The following LAMA5 variants were observed in gnomAD, a reference collection of about 807,000 sequenced individuals.
LAMA5 encodes laminin subunit alpha 5.
LAMA5 carries 260 observed loss-of-function variants against 433.4 expected under a neutral mutation model. That is an observed-to-expected ratio of 0.60 (90% CI 0.54 to 0.66). The LOEUF (loss-of-function observed/expected upper bound fraction) is 0.66. LAMA5 is among the 30% of genes least tolerant of loss of function. The pLI is 0.00. For missense variants in LAMA5, 5,378 were observed against 5,258.5 expected, an observed-to-expected ratio of 1.02 and a Z score of -0.70; for synonymous variants, 2,620 against 2,226.6, an observed-to-expected ratio of 1.18 and a Z score of -4.97.
In LAMA5 at chr20:62,320,729, C is replaced by A. The variant is rs559006364; in HGVS notation, c.6648+10G>T. ...CCGGGTTGGGGAGGGAAGGCCAGGACGCTCAGTACCTGCAGGTCAGCGATG... is the reference window on the plus strand; with the variant it reads ...CCGGGTTGGGGAGGGAAGGCCAGGAAGCTCAGTACCTGCAGGTCAGCGATG... On this transcript the variant is annotated intron_variant, in intron 49 of 79. Coordinates refer to ENST00000252999, the MANE Select transcript of LAMA5 (RefSeq NM_005560.6). The A allele has an allele frequency of 1.1e-5, 17 of 1,612,536 alleles. No homozygotes were observed. The highest frequency in any genetic ancestry group is 1.4e-5 in the Non-Finnish European group (17 of 1,179,856).
rs189329892 is a variant in LAMA5, at chr20:62,317,070, T to A, written c.7512-47A>T. The A allele has an allele frequency of 6.2e-4, 920 of 1,487,602 alleles. 5 individuals are homozygous for A. In the African/African-American group the frequency reaches 0.012, roughly 20 times the overall value. 92.2% of individuals were successfully genotyped at this position (1,487,602 alleles called of 1,614,324 possible). A position where few individuals can be genotyped will look rare whatever the true frequency, so the allele number is the denominator to read the frequency against. On this transcript the variant is annotated intron_variant, in intron 55 of 79. Transcript: ENST00000252999. ...AAGGAGTGGGTAAGCGCAGACGCCCTCGGCCTGGCTCTCCAGCCTCCTGCG... is the reference window on the plus strand; with the variant it reads ...AAGGAGTGGGTAAGCGCAGACGCCCACGGCCTGGCTCTCCAGCCTCCTGCG...
At position 62,310,215 on chromosome 20, in the gene LAMA5, G is replaced by A. The variant is rs144219663; in HGVS notation, c.10697C>T (p.Thr3566Met). Residue 3566 changes from threonine (T) to methionine (M), a missense_variant, in exon 77 of 80, where the codon ACG becomes ATG. Physicochemically the swap from Thr to Met is moderately conservative, Grantham distance 81. Coordinates refer to ENST00000252999, the MANE Select transcript of LAMA5 (RefSeq NM_005560.6). ...CACCTGCAACTGCAAGTAGGGGGGC[G>A]TCCGGGCCTGGCCCAAGTGGAAGAT... Reference protein sequence around the residue: ...GLIFHLGQARTPPYLQLQVTE... With the variant: ...GLIFHLGQARMPPYLQLQVTE... 7.4e-5 allele frequency: 119 copies of A among 1,612,596 alleles called. No homozygotes were observed. In the African/African-American group the frequency reaches 1.0e-3, roughly 14 times the overall value.
At chr20:62,363,900 T>C (rs1986434620) in intron 1 of LAMA5, among the ~76,000 whole-genome samples, 2 of 152,058 alleles carry the variant, frequency 1.3e-5, no homozygotes, top group South Asian at 2.1e-4. Flanking sequence ...GACCCCGCCC[T>C]GGTGTTTGGA....
chr20:62,325,115 G>GGATGAGAGGCAGGCA (rs149996168), intron 41 of LAMA5: 18 of 538,552 alleles, frequency 3.3e-5, no homozygotes, highest in African/African-American at 2.4e-4. Flanking sequence ...GCAGGCAGGC[G>GGATGAGAGGCAGGCA]GACGAGGGGC....
intron 2 of LAMA5, among the ~76,000 whole-genome samples, chr20:62,358,987 A>C (rs1056217735): frequency 2.0e-5 from 3 of 151,608 alleles, no homozygotes; most frequent in Non-Finnish European, 4.4e-5. Flanking sequence ...TTCTAGCCTC[A>C]TGCCTAACTG....
Position 62,338,237 on chromosome 20 carries a change from CAG to C in LAMA5, c.1749_1750del (p.Cys584ProfsTer17). On this transcript the variant is annotated frameshift_variant, in exon 13 of 80. Transcript: ENST00000252999. LOFTEE classifies it high-confidence loss of function. ...CGTGGAGAGGCACCACTCACACTGG[CAG>C]AGAGGGAAGTGAAAGTAGCCGGGGG... 1 of 1,595,072 alleles carries C rather than the reference CAG, an allele frequency of 6.3e-7. No individual in the cohort carries two copies. The highest frequency in any genetic ancestry group is 8.5e-7 in the Non-Finnish European group (1 of 1,169,876).
chr20:62,349,398 G>A (rs1601401549), intron 6 of LAMA5, among the ~76,000 whole-genome samples: 1 of 150,720 alleles, frequency 6.6e-6, no homozygotes, highest in Non-Finnish European at 1.5e-5. Context: ...AGAAGAAGAT[G>A]ACCCACAGAG....
intron 26 of LAMA5, 24 bp downstream of exon 26, chr20:62,333,066 T>A: frequency 1.4e-6 from 2 of 1,474,580 alleles, no homozygotes; most frequent in African/African-American, 2.8e-5. Context: ...CACCCATTGC[T>A]CCGTGGGGTC....
chr20:62,320,515 A>C (rs746488568), intron 50 of LAMA5, 44 bp downstream of exon 50: 2 of 1,444,728 alleles, frequency 1.4e-6, no homozygotes, highest in South Asian at 2.4e-5. Flanking sequence ...CGGGGAACAC[A>C]GGTGAAAGCC....
Position 62,309,742 on chromosome 20 carries a change from G to T in LAMA5, c.10922C>A (p.Ala3641Asp), listed in dbSNP as rs201514236. 6.2e-6 allele frequency: 10 copies of T among 1,603,022 alleles called. No individual in the cohort carries two copies. In the Admixed American group the frequency reaches 1.8e-4, roughly 28 times the overall value. Reference protein sequence around the residue: ...PLLAAAAGAPAPLYLGGLPEP... With the variant: ...PLLAAAAGAPDPLYLGGLPEP... The stretch of plus-strand genomic sequence containing the variant: ...AGGCAGGCCCCCGAGGTACAGAGGG[G>T]CTGGGGCACCAGCTGCAGCCGCCAG... The change falls in exon 79 of 80, where the codon GCC becomes GAC. Residue 3641 changes from alanine to aspartate, a missense_variant. Coordinates refer to ENST00000252999, the MANE Select transcript of LAMA5 (RefSeq NM_005560.6).
chr20:62,344,784 G>A (rs1352561446), intron 11 of LAMA5, among the ~76,000 whole-genome samples: 2 of 150,336 alleles, frequency 1.3e-5, no homozygotes, highest in African/African-American at 4.9e-5. Flanking sequence ...CTTTATCACA[G>A]CATAATTAAA....
Position 62,313,333 on chromosome 20 carries a change from C to T in LAMA5, c.8786G>A (p.Cys2929Tyr), listed in dbSNP as rs779633595. ...GAGGGCAGGCCACACGCACCGGGCA[C>T]AAGGCCTGTCCACAGCCGTGTCCAG... ...FQLDTAVDRPCARSKSTGDPW... is the reference protein window; with the variant it reads ...FQLDTAVDRPYARSKSTGDPW... Residue 2929 changes from cysteine to tyrosine, a missense_variant, in exon 64 of 80, where the codon TGT becomes TAT. Transcript: ENST00000252999. The T allele has an allele frequency of 1.5e-5, 24 of 1,558,726 alleles. No individual in the cohort carries two copies. The highest frequency in any genetic ancestry group is 2.7e-5 in the African/African-American group (2 of 73,656).
rs865900292 is a variant in LAMA5, at chr20:62,325,119, G to A, written c.5529+197C>T. On this transcript the variant is annotated intron_variant, in intron 41 of 79. Coordinates refer to ENST00000252999, the MANE Select transcript of LAMA5 (RefSeq NM_005560.6). ...GCGGATGAGGGGCAGGCAGGCGGACGAGGGGCAGGCAGACAGGCAGCAGGG... is the reference window on the plus strand; with the variant it reads ...GCGGATGAGGGGCAGGCAGGCGGACAAGGGGCAGGCAGACAGGCAGCAGGG... The A allele has an allele frequency of 4.4e-3, 2,502 of 565,602 alleles. 39 individuals are homozygous for A. Among genetic ancestry groups the A allele is most frequent in the African/African-American group, 0.042 (2,200 of 52,914 alleles). The allele number at this position is 565,602 out of a possible 1,614,324, so 35.0% of individuals were successfully genotyped here.
rs1985669112 is a variant in LAMA5, at chr20:62,359,180, T to C, written c.450+3220A>G. On this transcript the variant is annotated intron_variant, in intron 2 of 79. Coordinates refer to ENST00000252999, the MANE Select transcript of LAMA5 (RefSeq NM_005560.6). The surrounding 1 kb of genome is among the most constrained non-coding windows in gnomAD (Gnocchi z 4.3). ...GGCCTCCCTACCGGAAGGGGGCCCG[T>C]GCGTCCTCACTCCTCATCTGAGGGA... 6.6e-6 allele frequency among the ~76,000 whole-genome samples: 1 copy of C among 152,116 alleles called. No individual in the cohort carries two copies.
chr20:62,340,373 G>A (rs1408529182), intron 11 of LAMA5, among the ~76,000 whole-genome samples: 4 of 144,514 alleles, frequency 2.8e-5, no homozygotes, highest in East Asian at 4.1e-4. Flanking sequence ...GTGCAGTGGC[G>A]CCATCTCAGC....
rs575134003 is a variant in LAMA5, at chr20:62,318,470, C to T, written c.7223G>A (p.Arg2408His). The change falls in exon 53 of 80, where the codon CGC (arginine) becomes CAC (histidine). Residue 2408 changes from arginine (R) to histidine (H), a missense_variant. By Grantham distance (29) the Arg-to-His change is conservative. Transcript: ENST00000252999. The part of the protein sequence containing the change: ...AQELNSRNQE[R>H]LEEALQRKQE... Reference sequence around the variant, plus strand: ...GGTCCTCACCAGGGCTTCCTCCAGGCGCTCCTGGTTGCGGCTGTTGAGCTC... The same window carrying T: ...GGTCCTCACCAGGGCTTCCTCCAGGTGCTCCTGGTTGCGGCTGTTGAGCTC... The T allele has an allele frequency of 9.2e-5, 147 of 1,599,046 alleles. No homozygotes were observed. Among genetic ancestry groups the T allele is most frequent in the East Asian group, 1.3e-4 (6 of 44,516 alleles).
chr20:62,333,301 T>C, intron 25 of LAMA5, 58 bp from the exon 26 acceptor site: 1 of 1,589,488 alleles, frequency 6.3e-7, no homozygotes, highest in South Asian at 1.1e-5. Flanking sequence ...AGAGACAGCC[T>C]GAGTGGGGGA....
chr20:62,310,207 A>T lies in LAMA5; in HGVS notation c.10705T>A (p.Tyr3569Asn), dbSNP rs765216856. The change falls in exon 77 of 80, where the codon TAC becomes AAC. Residue 3569 changes from tyrosine (Y) to asparagine (N), a missense_variant. Transcript: ENST00000252999. ...FHLGQARTPP[Y>N]LQLQVTEKQV... ...TTCTCGGTCACCTGCAACTGCAAGT[A>T]GGGGGGCGTCCGGGCCTGGCCCAAG... 1.9e-6 allele frequency: 3 copies of T among 1,612,550 alleles called. No individual in the cohort carries two copies. The highest frequency in any genetic ancestry group is 2.5e-6 in the Non-Finnish European group (3 of 1,179,938).
rs1347350506 is a variant in LAMA5, at chr20:62,310,018, G to A, written c.10798C>T (p.Leu3600=). 1.2e-6 allele frequency: 2 copies of A among 1,611,502 alleles called. No individual in the cohort carries two copies. The highest frequency in any genetic ancestry group is 1.7e-5 in the Admixed American group (1 of 59,994). Residue 3600 remains leucine, a synonymous_variant, in exon 78 of 80, where the codon CTG becomes TTG. Transcript: ENST00000252999. The part of the protein sequence containing the change: ...FSTSVTRPSV[L]CDGQWHRLAV... Reference sequence around the variant, plus strand: ...AGCCGGTGCCACTGGCCATCACACAGCACTGAGGGGCGGGTCACTGACGTG... The same window carrying A: ...AGCCGGTGCCACTGGCCATCACACAACACTGAGGGGCGGGTCACTGACGTG...
Sources: gnomAD v4.1 joint callset for allele counts (sites outside exome capture counted in the v4.1 genomes callset) on GRCh38, gnomAD v4.1.1 for gene constraint, Gnocchi (gnomAD v3.1) non-coding constraint, MANE v1.5 for transcripts, NCBI Gene and HGNC (gene_info 2026-07-23, HGNC 2026-07-21) for gene names.